CDH16: variants seen among roughly 807,000 people sequenced by gnomAD.
CDH16 encodes cadherin-16.
A neutral mutation model predicts 87.6 loss-of-function variants in CDH16; 79 were observed. The observed-to-expected ratio is 0.90, with a 90% CI of 0.75 to 1.09. CDH16 has a LOEUF of 1.09. Ranked by LOEUF, CDH16 falls within the 50% of genes least tolerant of loss-of-function variation. The probability of loss-of-function intolerance (pLI) is 0.00; values close to 1 mark genes in which losing one functional copy is unlikely to be tolerated. For synonymous variants in CDH16, 457 were observed against 439.5 expected (o/e 1.04, Z -0.50); for missense variants, 1,124 against 1,071.7 (o/e 1.05, Z -0.68).
Position 66,913,265 on chromosome 16 carries a change from C to A in CDH16, c.920G>T (p.Arg307Leu). 1 of 1,556,462 alleles carries A rather than the reference C, an allele frequency of 6.4e-7. No individual in the cohort carries two copies. Among genetic ancestry groups the A allele is most frequent in the Non-Finnish European group, 8.7e-7 (1 of 1,149,606 alleles). Residue 307 changes from arginine (R) to leucine (L), a missense_variant, in exon 9 of 18, where the codon CGG becomes CTG. Arg to Leu is a moderately radical substitution (Grantham distance 102). Coordinates refer to ENST00000299752, the MANE Select transcript of CDH16 (RefSeq NM_004062.4). Reference protein sequence around the residue: ...EAQAEYLLQVRAQNSHGEDYA... With the variant: ...EAQAEYLLQVLAQNSHGEDYA... ...GTCCTCGCCATGGGAATTCTGAGCC[C>A]GCACCTGGAGCAGGTACTGCGGTGG...
chr16:66,912,030 C>T lies in CDH16; in HGVS notation c.1659G>A (p.Val553=). The T allele has an allele frequency of 6.2e-7, 1 of 1,614,168 alleles. No homozygotes were observed. The highest frequency in any genetic ancestry group is 8.5e-7 in the Non-Finnish European group (1 of 1,180,028). Residue 553 remains valine, a synonymous_variant, in exon 13 of 18, where the codon GTG becomes GTA. Coordinates refer to ENST00000299752, the MANE Select transcript of CDH16 (RefSeq NM_004062.4). The stretch of plus-strand genomic sequence containing the variant: ...GGGGTGGCATCACTCTCTCCACTAG[C>T]ACAGTCACCGTGGCGGTGGCTCCAG... ...PGPGATATVT[V]LVERVMPPPK...
At chr16:66,910,910 G>A (rs774598326) in intron 14 of CDH16, 1 of 434,942 alleles carries the variant, frequency 2.3e-6, no homozygotes, top group African/African-American at 2.0e-5. Context: ...CTGACACCCT[G>A]AGAGGCCCTC....
Position 66,918,079 on chromosome 16 carries a change from C to T in CDH16, c.-13-1G>A, listed in dbSNP as rs1357829323. ...GGCAGGGACCATGGTCAGGACAGGC[C>T]TGAGGGACACGGCAGTGAGGATCCA... On this transcript the variant is annotated splice_acceptor_variant, in intron 1 of 17. Transcript: ENST00000299752. LOFTEE classifies it low-confidence loss of function (5UTR_SPLICE). 1 of 1,571,082 alleles carries T rather than the reference C, an allele frequency of 6.4e-7. No homozygotes were observed. Among genetic ancestry groups the T allele is most frequent in the Non-Finnish European group, 8.6e-7 (1 of 1,157,862 alleles).
rs771142304 is a variant in CDH16 at position 66,909,262 on chromosome 16, A to C, written c.2392+5T>G. 3 of 1,585,638 alleles carry C rather than the reference A, an allele frequency of 1.9e-6. No homozygotes were observed. Among genetic ancestry groups the C allele is most frequent in the Non-Finnish European group, 2.6e-6 (3 of 1,154,026 alleles). On this transcript the variant is annotated splice_donor_5th_base_variant and intron_variant, in intron 17 of 17. Coordinates refer to ENST00000299752, the MANE Select transcript of CDH16 (RefSeq NM_004062.4). This position sits in a 1 kb window ranked among gnomAD's most constrained non-coding sequence, Gnocchi z 4.1. ...CCCACGCAGGTAATGTCCAACCTCC[A>C]TTACCTATTGCTACCAGGGTGCCTA...
At chr16:66,908,563 T>C in intron 17 of CDH16, 74 bp from the exon 18 acceptor site, 1 of 1,135,494 alleles carries the variant, frequency 8.8e-7, no homozygotes, top group South Asian at 1.2e-5. Flanking sequence ...GGACTTCCTG[T>C]GATTGGCATT....
At position 66,910,093 on chromosome 16, in the gene CDH16, C is replaced by G; in HGVS notation, c.2168G>C (p.Gly723Ala). 1 of 1,608,790 alleles carries G rather than the reference C, an allele frequency of 6.2e-7. No homozygotes were observed. The highest frequency in any genetic ancestry group is 8.5e-7 in the Non-Finnish European group (1 of 1,177,188). Residue 723 changes from glycine to alanine, a missense_variant and splice_region_variant, in exon 16 of 18, where the codon GGT becomes GCT. Gly to Ala is a moderately conservative substitution (Grantham distance 60). Transcript: ENST00000299752. ...QRDWRLQTLN[G>A]SHAYLTLALH... ...GGCCAAGGTGAGGTAGGCATGGGAA[C>G]CTTTTGGGACAGCAGGCAAAGACCA...
At position 66,918,000 on chromosome 16, in the gene CDH16, AG is replaced by A. The variant is rs908353274; in HGVS notation, c.45+20del. 1.3e-6 allele frequency: 2 copies of A among 1,562,142 alleles called. No homozygotes were observed. The highest frequency in any genetic ancestry group is 1.2e-5 in the South Asian group (1 of 84,048). Reference sequence around the variant, plus strand: ...CCCCCAAAGCCAAGACCTGAAGGAGAGGGGGCAGGGCCTAGCTCACCTGGGG... The same window carrying A: ...CCCCCAAAGCCAAGACCTGAAGGAGAGGGGCAGGGCCTAGCTCACCTGGGG... On this transcript the variant is annotated intron_variant, in intron 2 of 17. Transcript: ENST00000299752.
chr16:66,909,957 C>A lies in CDH16; in HGVS notation c.2275+29G>T. 1 of 1,531,178 alleles carries A rather than the reference C, an allele frequency of 6.5e-7. No individual in the cohort carries two copies. The highest frequency in any genetic ancestry group is 8.9e-7 in the Non-Finnish European group (1 of 1,121,702). 94.8% of individuals were successfully genotyped at this position (1,531,178 alleles called of 1,614,324 possible). On this transcript the variant is annotated intron_variant, in intron 16 of 17. Transcript: ENST00000299752. This position sits in a 1 kb window ranked among gnomAD's most constrained non-coding sequence, Gnocchi z 4.1. Reference sequence around the variant, plus strand: ...TGCATCCCAGCGGTTCCCTCAGGAACTGCAGGCTGCACCCAAGCCCAATCT... The same window carrying A: ...TGCATCCCAGCGGTTCCCTCAGGAAATGCAGGCTGCACCCAAGCCCAATCT...
Position 66,917,516 on chromosome 16 carries a change from G to A in CDH16, c.129+126C>T, listed in dbSNP as rs578038187. The stretch of plus-strand genomic sequence containing the variant: ...ATAGGGGACACTCAACCTGTGTAAC[G>A]TGTACATACTCTCTGGAAAGCAGGA... On this transcript the variant is annotated intron_variant, in intron 3 of 17. Transcript: ENST00000299752. 3.9e-4 allele frequency: 285 copies of A among 735,744 alleles called. No homozygotes were observed. The Middle Eastern group carries it at 4.1e-3, about 10-fold the overall frequency. 45.6% of individuals were successfully genotyped at this position (735,744 alleles called of 1,614,324 possible).
At chr16:66,911,485 G>T (rs1962414244) in intron 13 of CDH16, among the ~76,000 whole-genome samples, 170 bp from the exon 14 acceptor site, 1 of 151,674 alleles carries the variant, frequency 6.6e-6, no homozygotes, top group African/African-American at 2.4e-5. Flanking sequence ...GATTTGTTGT[G>T]GTGGTGGTGG....
chr16:66,909,129 G>A lies in CDH16; in HGVS notation c.2392+138C>T. ...GACAATGACTATGATCAAAGGGCAG[G>A]CGCATAATGACTAGGAGAGTTGGGG... On this transcript the variant is annotated intron_variant, in intron 17 of 17. Transcript: ENST00000299752. The surrounding 1 kb of genome is among the most constrained non-coding windows in gnomAD (Gnocchi z 4.1). The A allele has an allele frequency of 2.9e-6, 2 of 688,596 alleles. No homozygotes were observed. Among genetic ancestry groups the A allele is most frequent in the South Asian group, 1.6e-5 (1 of 64,334 alleles). The allele number at this position is 688,596 out of a possible 1,614,324, so 42.7% of individuals were successfully genotyped here.
chr16:66,917,106 C>T (rs182429695), intron 3 of CDH16, among the ~76,000 whole-genome samples: 11 of 146,368 alleles, frequency 7.5e-5, no homozygotes, highest in African/African-American at 1.0e-4. Flanking sequence ...GCCAACATGG[C>T]GAAACCCTGT....
chr16:66,911,639 G>T (rs1258875429), intron 13 of CDH16, among the ~76,000 whole-genome samples: 1 of 152,172 alleles, frequency 6.6e-6, no homozygotes, highest in African/African-American at 2.4e-5. Context: ...AATCTGTTGG[G>T]GGGCATTGGA....
At chr16:66,908,912 G>A (rs1033874426) in intron 17 of CDH16, among the ~76,000 whole-genome samples, 1 of 152,152 alleles carries the variant, frequency 6.6e-6, no homozygotes, top group African/African-American at 2.4e-5. Flanking sequence ...GAAAGACCTG[G>A]GTTCTGTCAC....
Position 66,911,950 on chromosome 16 carries a change from C to A in CDH16, c.1739G>T (p.Gly580Val). The A allele has an allele frequency of 3.1e-6, 5 of 1,612,742 alleles. No homozygotes were observed. The highest frequency in any genetic ancestry group is 4.2e-6 in the Non-Finnish European group (5 of 1,178,998). Residue 580 changes from glycine to valine, a missense_variant, in exon 13 of 18, where the codon GGC (glycine) becomes GTC (valine). Coordinates refer to ENST00000299752, the MANE Select transcript of CDH16 (RefSeq NM_004062.4). ...EASVPISAPA[G>V]SFLLTIQPSD... ...GGGCTGGATGGTCAGCAGGAAAGAG[C>A]CGGCTGGGGCACTGATGGGGACACT...
chr16:66,918,635 A>C (rs1244858985), intron 1 of CDH16, among the ~76,000 whole-genome samples, 169 bp downstream of exon 1: 1 of 152,172 alleles, frequency 6.6e-6, no homozygotes, highest in East Asian at 1.9e-4. Context: ...ATCATTTTCC[A>C]GCCCTTGTCA....
Position 66,909,985 on chromosome 16 carries a change from C to A in CDH16, c.2275+1G>T. ...CAGGCTGCACCCAAGCCCAATCTCACCTCGAACCAGGAGCTGCCACATCTG... is the reference window on the plus strand; with the variant it reads ...CAGGCTGCACCCAAGCCCAATCTCAACTCGAACCAGGAGCTGCCACATCTG... On this transcript the variant is annotated splice_donor_variant, in intron 16 of 17. Coordinates refer to ENST00000299752, the MANE Select transcript of CDH16 (RefSeq NM_004062.4). LOFTEE classifies it high-confidence loss of function. The surrounding 1 kb of genome is among the most constrained non-coding windows in gnomAD (Gnocchi z 4.1). 1 of 1,596,344 alleles carries A rather than the reference C, an allele frequency of 6.3e-7. No homozygotes were observed.
At chr16:66,910,623 T>C in intron 14 of CDH16, 121 bp from the exon 15 acceptor site, 1 of 1,034,616 alleles carries the variant, frequency 9.7e-7, no homozygotes, top group Non-Finnish European at 1.3e-6. Context: ...CCATGCTCCC[T>C]CCATGCTTCT....
chr16:66,909,446 C>G lies in CDH16; in HGVS notation c.2276-63G>C. On this transcript the variant is annotated intron_variant, in intron 16 of 17. Coordinates refer to ENST00000299752, the MANE Select transcript of CDH16 (RefSeq NM_004062.4). The surrounding 1 kb of genome is among the most constrained non-coding windows in gnomAD (Gnocchi z 4.1). ...GAGGGCTCCCCAGCTGCTCAGAGCCCCCAGCCCAGCCACCTGGCTGATATG... is the reference window on the plus strand; with the variant it reads ...GAGGGCTCCCCAGCTGCTCAGAGCCGCCAGCCCAGCCACCTGGCTGATATG... 2 of 1,121,752 alleles carry G rather than the reference C, an allele frequency of 1.8e-6. No homozygotes were observed. Among genetic ancestry groups the G allele is most frequent in the Non-Finnish European group, 2.6e-6 (2 of 758,790 alleles). 69.5% of individuals were successfully genotyped at this position (1,121,752 alleles called of 1,614,324 possible).
Sources: allele counts gnomAD v4.1 joint callset (sites outside exome capture counted in the v4.1 genomes callset), GRCh38; gene constraint gnomAD v4.1.1; non-coding constraint Gnocchi (gnomAD v3.1); transcripts MANE v1.5; gene names NCBI Gene and HGNC (gene_info 2026-07-23, HGNC 2026-07-21).